Variants in HEBP1 observed in about 807,000 individuals in gnomAD.
HEBP1 encodes heme-binding protein 1.
HEBP1 carries 13 observed loss-of-function variants against 20.4 expected under a neutral mutation model. The ratio of observed to expected loss-of-function variants is 0.64; its 90% confidence interval spans 0.42 to 1.01. The LOEUF (loss-of-function observed/expected upper bound fraction) is 1.01. Ranked by LOEUF, HEBP1 falls within the 50% of genes least tolerant of loss-of-function variation. The pLI is 0.00. For synonymous variants in HEBP1, 92 were observed against 90.7 expected (o/e 1.01, Z -0.08); for missense variants, 241 against 247.3 (o/e 0.97, Z 0.17).
chr12:12,997,788 C>T (rs1437523352), intron 1 of HEBP1, among the ~76,000 whole-genome samples: 1 of 152,214 alleles, frequency 6.6e-6, no homozygotes, highest in East Asian at 1.9e-4. Context: ...TCCAAAAAGA[C>T]AAAGTGAGCC....
intron 2 of HEBP1, 121 bp downstream of exon 2, chr12:12,989,155 AG>A (rs1864186835): frequency 4.9e-6 from 5 of 1,022,604 alleles, no homozygotes; most frequent in Non-Finnish European, 7.5e-6. Flanking sequence ...GGAGGTTCAC[AG>A]GTCATTGAAA....
intron 1 of HEBP1, among the ~76,000 whole-genome samples, chr12:12,999,681 T>C (rs1864330585): frequency 1.3e-5 from 2 of 152,268 alleles, no homozygotes; most frequent in South Asian, 4.1e-4. Flanking sequence ...GCGACACTCA[T>C]TTCTGCAACC....
At chr12:12,979,661 AAAAG>A (rs1864049610) in intron 3 of HEBP1, 1 of 152,216 alleles carries the variant, frequency 6.6e-6, no homozygotes, top group Non-Finnish European at 1.5e-5. Flanking sequence ...TTGAGCCCCT[AAAAG>A]AAAGAAACGT....
chr12:12,985,262 C>G (rs1864138066), intron 3 of HEBP1, among the ~76,000 whole-genome samples: 1 of 151,872 alleles, frequency 6.6e-6, no homozygotes, highest in Non-Finnish European at 1.5e-5. Flanking sequence ...TTAAAAAAAT[C>G]TTCAGTAATT....
In HEBP1 at chr12:12,998,162, C is replaced by T. The variant is rs1335414449; in HGVS notation, c.78+1875G>A. Reference sequence around the variant, plus strand: ...CTCCCCTGCTTGCTTTTCTTCACAGCACTGATCACTATCTGATCCATGATA... The same window carrying T: ...CTCCCCTGCTTGCTTTTCTTCACAGTACTGATCACTATCTGATCCATGATA... On this transcript the variant is annotated intron_variant, in intron 1 of 3. Coordinates refer to ENST00000014930, the MANE Select transcript of HEBP1 (RefSeq NM_015987.5). The surrounding 1 kb of genome is among the most constrained non-coding windows in gnomAD (Gnocchi z 4.2). Among the ~76,000 whole-genome samples, 1 of 152,096 alleles carries T rather than the reference C, an allele frequency of 6.6e-6. No individual in the cohort carries two copies. Among genetic ancestry groups the T allele is most frequent in the African/African-American group, 2.4e-5 (1 of 41,410 alleles).
intron 1 of HEBP1, among the ~76,000 whole-genome samples, chr12:12,997,321 G>C (rs1396582736): frequency 6.6e-6 from 1 of 152,182 alleles, no homozygotes; most frequent in Non-Finnish European, 1.5e-5. Context: ...GAAGCACTTC[G>C]ATGCAAGGGA....
chr12:12,984,034 C>T (rs796656807), intron 3 of HEBP1: 11 of 235,434 alleles, frequency 4.7e-5, no homozygotes, highest in African/African-American at 2.3e-4. Context: ...CAAACTGAAA[C>T]GTATCAAATA....
At chr12:12,987,590 T>TTCTCTCTCTCTC (rs145821079) in intron 2 of HEBP1, among the ~76,000 whole-genome samples, 7 of 133,212 alleles carry the variant, frequency 5.3e-5, no homozygotes, top group East Asian at 2.2e-4. Context: ...ATCAGTCTCT[T>TTCTCTCTCTCTC]TCTCTCTCTC....
chr12:12,997,885 G>A (rs1864311286), intron 1 of HEBP1, among the ~76,000 whole-genome samples: 1 of 152,238 alleles, frequency 6.6e-6, no homozygotes, highest in African/African-American at 2.4e-5. Flanking sequence ...GAGAAAGGCT[G>A]TGGTTCTGAG....
rs780129327 is a variant in HEBP1 at position 12,975,490 on chromosome 12, A to G, written c.399-11T>C. On this transcript the variant is annotated splice_polypyrimidine_tract_variant and intron_variant, in intron 3 of 3. Coordinates refer to ENST00000014930, the MANE Select transcript of HEBP1 (RefSeq NM_015987.5). ...TAACCACCAAACTGCCTGGGGGTTC[A>G]AGAGCAAGGGCTGGTTACGAAAGGA... 14 of 1,599,032 alleles carry G rather than the reference A, an allele frequency of 8.8e-6. No homozygotes were observed. In the African/African-American group the frequency reaches 1.8e-4, roughly 20 times the overall value.
At chr12:13,000,002 A>G in intron 1 of HEBP1, 35 bp downstream of exon 1, 1 of 1,491,088 alleles carries the variant, frequency 6.7e-7, no homozygotes, top group Non-Finnish European at 9.3e-7. Flanking sequence ...GGGAGGCAGC[A>G]ATCCTTCAGG....
In HEBP1 at chr12:12,975,483, G is replaced by C; in HGVS notation, c.399-4C>G. On this transcript the variant is annotated splice_polypyrimidine_tract_variant and splice_region_variant and intron_variant, in intron 3 of 3. Coordinates refer to ENST00000014930, the MANE Select transcript of HEBP1 (RefSeq NM_015987.5). ...CTTGGCATAACCACCAAACTGCCTG[G>C]GGGTTCAAGAGCAAGGGCTGGTTAC... The C allele has an allele frequency of 1.9e-6, 3 of 1,602,062 alleles. No homozygotes were observed. Among genetic ancestry groups the C allele is most frequent in the Non-Finnish European group, 2.6e-6 (3 of 1,175,848 alleles).
intron 3 of HEBP1, among the ~76,000 whole-genome samples, chr12:12,977,086 G>A (rs1264789210): frequency 6.6e-6 from 1 of 152,230 alleles, no homozygotes; most frequent in Non-Finnish European, 1.5e-5. Flanking sequence ...CTCCAAAGGA[G>A]TGCTCCTCAA....
chr12:12,992,875 C>T (rs1034544876), intron 1 of HEBP1, among the ~76,000 whole-genome samples: 1 of 152,034 alleles, frequency 6.6e-6, no homozygotes, highest in Non-Finnish European at 1.5e-5. Context: ...TTAAAGTTTA[C>T]CTAATCTAAC....
chr12:12,989,308 G>A lies in HEBP1; in HGVS notation c.186C>T (p.Val62=), dbSNP rs372106634. The change falls in exon 2 of 4, where the codon GTC becomes GTT. Residue 62 remains valine, a synonymous_variant. Coordinates refer to ENST00000014930, the MANE Select transcript of HEBP1 (RefSeq NM_015987.5). ...CATTGGTGCCCCCCGCATACTTTGCGACCTTGGGCATTGCTTCCCGTAGAG... is the reference window on the plus strand; with the variant it reads ...CATTGGTGCCCCCCGCATACTTTGCAACCTTGGGCATTGCTTCCCGTAGAG... ...DEALREAMPK[V]AKYAGGTNDK... 30 of 1,614,008 alleles carry A rather than the reference G, an allele frequency of 1.9e-5. No homozygotes were observed. Among genetic ancestry groups the A allele is most frequent in the South Asian group, 8.8e-5 (8 of 91,080 alleles).
At chr12:12,983,774 G>A (rs1472722846) in intron 3 of HEBP1, 4 of 455,928 alleles carry the variant, frequency 8.8e-6, no homozygotes, top group African/African-American at 2.0e-5. Context: ...AATGGTCACC[G>A]ACCTGCCTTT....
intron 1 of HEBP1, among the ~76,000 whole-genome samples, chr12:12,992,566 A>G (rs1331265664): frequency 6.6e-6 from 1 of 152,190 alleles, no homozygotes; most frequent in East Asian, 1.9e-4. Flanking sequence ...CACATGGGGT[A>G]GAGGAAATTG....
At chr12:12,991,138 T>A (rs1864220135) in intron 1 of HEBP1, among the ~76,000 whole-genome samples, 1 of 152,160 alleles carries the variant, frequency 6.6e-6, no homozygotes. Flanking sequence ...CCATTACAAT[T>A]CCCCTGTCTT....
intron 3 of HEBP1, among the ~76,000 whole-genome samples, chr12:12,982,059 G>A (rs1864092185): frequency 6.6e-6 from 1 of 152,152 alleles, no homozygotes; most frequent in Non-Finnish European, 1.5e-5. Flanking sequence ...CTAAGCTCAG[G>A]TGATCCACCT....
Sources: allele counts gnomAD v4.1 joint callset (sites outside exome capture counted in the v4.1 genomes callset), GRCh38; gene constraint gnomAD v4.1.1; non-coding constraint Gnocchi (gnomAD v3.1); transcripts MANE v1.5; gene names NCBI Gene and HGNC (gene_info 2026-07-23, HGNC 2026-07-21).